Variants in ATP8B1 observed in about 807,000 individuals in gnomAD.
The protein encoded by ATP8B1 is ATPase phospholipid transporting 8B1.
ATP8B1 carries 80 observed loss-of-function variants against 149.9 expected under a neutral mutation model. That is an observed-to-expected ratio of 0.53 (90% CI 0.45 to 0.64). The LOEUF (loss-of-function observed/expected upper bound fraction) is 0.64, where lower values mean the gene tolerates loss of function less well. ATP8B1 is among the 30% of genes least tolerant of loss of function. The pLI is 0.00. For missense variants in ATP8B1, 1,247 were observed against 1,552.6 expected, an observed-to-expected ratio of 0.80 and a Z score of 3.31; for synonymous variants, 536 against 562.8, an observed-to-expected ratio of 0.95 and a Z score of 0.67.
intron 1 of ATP8B1, among the ~76,000 whole-genome samples, chr18:57,792,454 T>G (rs933457627): frequency 6.6e-6 from 1 of 152,008 alleles, no homozygotes; most frequent in African/African-American, 2.4e-5. Context: ...GACCGTAATA[T>G]ACATGAAAAA....
chr18:57,800,003 A>G (rs140759417), intron 1 of ATP8B1, among the ~76,000 whole-genome samples: 79 of 152,320 alleles, frequency 5.2e-4, no homozygotes, highest in African/African-American at 1.8e-3. Flanking sequence ...TTACTTAATA[A>G]GAAACAAAAA....
Position 57,731,816 on chromosome 18 carries a change from C to A in ATP8B1, c.-9G>T, listed in dbSNP as rs774640897. Reference sequence around the variant, plus strand: ...TCTCTTTCTGTACTCATTCTGCTGGCAAATTGGAACTACCTGCTTAAAAGG... The same window carrying A: ...TCTCTTTCTGTACTCATTCTGCTGGAAAATTGGAACTACCTGCTTAAAAGG... On this transcript the variant is annotated 5_prime_UTR_variant, in exon 2 of 28. Coordinates refer to ENST00000648908, the MANE Select transcript of ATP8B1 (RefSeq NM_001374385.1). 12 of 1,613,868 alleles carry A rather than the reference C, an allele frequency of 7.4e-6. No homozygotes were observed. In the African/African-American group the frequency reaches 1.6e-4, roughly 22 times the overall value.
At chr18:57,714,615 C>CA (rs1170305876) in intron 2 of ATP8B1, among the ~76,000 whole-genome samples, 1 of 120,766 alleles carries the variant, frequency 8.3e-6, no homozygotes, top group African/African-American at 2.6e-5. Flanking sequence ...AGAGAAAGAG[C>CA]AAAAAAAGAG....
At chr18:57,678,568 T>C (rs1290397414) in intron 15 of ATP8B1, among the ~76,000 whole-genome samples, 2 of 135,902 alleles carry the variant, frequency 1.5e-5, no homozygotes, top group Non-Finnish European at 3.2e-5. Context: ...GCCCAGGCGA[T>C]AGTTCGAGAT....
intron 20 of ATP8B1, among the ~76,000 whole-genome samples, chr18:57,663,904 C>G (rs1056418452): frequency 6.6e-6 from 1 of 151,146 alleles, no homozygotes; most frequent in African/African-American, 2.4e-5. Context: ...GTAGCTGGGA[C>G]TACAGACGGG....
At chr18:57,789,582 G>A (rs1304398749) in intron 1 of ATP8B1, among the ~76,000 whole-genome samples, 4 of 152,036 alleles carry the variant, frequency 2.6e-5, no homozygotes, top group African/African-American at 4.8e-5. Flanking sequence ...TTTAAAAGTC[G>A]GTTTTCCACA....
chr18:57,666,958 A>G (rs770979833), intron 20 of ATP8B1, 134 bp downstream of exon 20: 179 of 797,472 alleles, frequency 2.2e-4, no homozygotes, highest in Non-Finnish European at 3.4e-4. Flanking sequence ...GTCTTGCCTC[A>G]TTTAAACATG....
chr18:57,752,556 T>G (rs28394683), intron 1 of ATP8B1, among the ~76,000 whole-genome samples: 12,242 of 152,222 alleles, frequency 0.08, 537 homozygotes, highest in Middle Eastern at 0.13. Flanking sequence ...TTCCAGTGAT[T>G]CATTTCATCA....
At chr18:57,669,139 A>G in intron 18 of ATP8B1, 179 bp downstream of exon 18, 1 of 535,718 alleles carries the variant, frequency 1.9e-6, no homozygotes, top group South Asian at 4.7e-5. Context: ...CATAATGGCA[A>G]CTTCTGTTCT....
At position 57,648,643 on chromosome 18, in the gene ATP8B1, C is replaced by T. The variant is rs1166270085; in HGVS notation, c.3601G>A (p.Gly1201Ser). 4.4e-6 allele frequency: 7 copies of T among 1,594,430 alleles called. No individual in the cohort carries two copies. The highest frequency in any genetic ancestry group is 1.1e-5 in the South Asian group (1 of 89,006). Reference sequence around the variant, plus strand: ...TAGGCCGAGCGCCGCGTTGACACGCCCCGGCGGAACACCTGCTGCCGTCGC... The same window carrying T: ...TAGGCCGAGCGCCGCGTTGACACGCTCCGGCGGAACACCTGCTGCCGTCGC... ...WQRRQQVFRR[G>S]VSTRRSAYAF... Residue 1201 changes from glycine to serine, a missense_variant, in exon 28 of 28, where the codon GGC becomes AGC. By Grantham distance (56) the Gly-to-Ser change is moderately conservative. Coordinates refer to ENST00000648908, the MANE Select transcript of ATP8B1 (RefSeq NM_001374385.1).
intron 2 of ATP8B1, among the ~76,000 whole-genome samples, chr18:57,726,341 C>T (rs918899309): frequency 2.6e-5 from 4 of 152,260 alleles, no homozygotes; most frequent in South Asian, 2.1e-4. Flanking sequence ...AAAGCAAAAA[C>T]GGACAAATGA....
intron 1 of ATP8B1, among the ~76,000 whole-genome samples, chr18:57,736,522 A>G (rs1252552706): frequency 7.1e-6 from 1 of 140,906 alleles, no homozygotes; most frequent in Non-Finnish European, 1.5e-5. Flanking sequence ...GTGTAGTAGG[A>G]CAATCATAGC....
chr18:57,699,611 C>T (rs1913012328), intron 6 of ATP8B1, among the ~76,000 whole-genome samples: 1 of 152,134 alleles, frequency 6.6e-6, no homozygotes, highest in African/African-American at 2.4e-5. Flanking sequence ...GTAGTCCCAG[C>T]TACTCGGGAA....
chr18:57,730,858 C>T (rs2079757093), intron 2 of ATP8B1, among the ~76,000 whole-genome samples: 1 of 150,816 alleles, frequency 6.6e-6, no homozygotes, highest in Non-Finnish European at 1.5e-5. Flanking sequence ...CACACACATA[C>T]ACAAGGATGG....
At chr18:57,658,269 C>T (rs1022837010) in intron 22 of ATP8B1, among the ~76,000 whole-genome samples, 5 of 152,082 alleles carry the variant, frequency 3.3e-5, no homozygotes, top group Admixed American at 2.6e-4. Context: ...AGGCTGGTCT[C>T]GAACTCCCAA....
At chr18:57,656,237 C>T (rs1050055980) in intron 22 of ATP8B1, among the ~76,000 whole-genome samples, 4 of 152,152 alleles carry the variant, frequency 2.6e-5, no homozygotes, top group Admixed American at 6.5e-5. Flanking sequence ...CAACTGGGGT[C>T]TGTTTCCTGT....
intron 15 of ATP8B1, among the ~76,000 whole-genome samples, chr18:57,676,734 A>G (rs1216987916): frequency 4.6e-5 from 7 of 151,010 alleles, no homozygotes; most frequent in Admixed American, 3.3e-4. Context: ...AAAAAAAAAA[A>G]AAAAGAAAGA....
intron 1 of ATP8B1, among the ~76,000 whole-genome samples, chr18:57,774,885 A>T (rs2080293641): frequency 6.6e-6 from 1 of 152,120 alleles, no homozygotes; most frequent in Non-Finnish European, 1.5e-5. Flanking sequence ...TTAATACCAC[A>T]TATTAGTGTG....
In ATP8B1 at chr18:57,671,540, A is replaced by C; in HGVS notation, c.1860T>G (p.Gly620=). Residue 620 remains glycine (G), a synonymous_variant, in exon 17 of 28, where the codon GGT becomes GGG. Transcript: ENST00000648908. ...ACCGTTCATAAATAACAGTGTCAGC[A>C]CCTTTACAGTAAAGCTTGATATTGC... ...PEGNIKLYCK[G]ADTVIYERLH... The C allele has an allele frequency of 1.2e-6, 2 of 1,614,122 alleles. No homozygotes were observed. The highest frequency in any genetic ancestry group is 8.5e-7 in the Non-Finnish European group (1 of 1,179,962).
Sources: gnomAD v4.1 joint callset for allele counts (sites outside exome capture counted in the v4.1 genomes callset) on GRCh38, gnomAD v4.1.1 for gene constraint, MANE v1.5 for transcripts, NCBI Gene and HGNC (gene_info 2026-07-23, HGNC 2026-07-21) for gene names.